The following HIKESHI variants were observed in gnomAD, a reference collection of about 807,000 sequenced individuals.
HIKESHI encodes heat shock protein nuclear import factor hikeshi.
Under a neutral mutation model 25.7 loss-of-function variants are expected in HIKESHI, and 13 were observed. That is an observed-to-expected ratio of 0.51 (90% CI 0.33 to 0.80). The LOEUF (loss-of-function observed/expected upper bound fraction) is 0.80, where lower values mean the gene tolerates loss of function less well. HIKESHI is among the 30% of genes least tolerant of loss of function. The pLI is 0.02. For missense variants in HIKESHI, 174 were observed against 229.5 expected (o/e 0.76, Z 1.56); for synonymous variants, 76 against 78.7 (o/e 0.97, Z 0.18).
chr11:86,332,887 C>T (rs1451045574), intron 2 of HIKESHI, among the ~76,000 whole-genome samples: 2 of 152,256 alleles, frequency 1.3e-5, no homozygotes, highest in African/African-American at 2.4e-5. Flanking sequence ...CATTAACCTA[C>T]AATTTTCATG....
chr11:86,341,350 C>T (rs1947723621), intron 3 of HIKESHI, among the ~76,000 whole-genome samples: 1 of 91,966 alleles, frequency 1.1e-5, no homozygotes, highest in Non-Finnish European at 2.2e-5. Flanking sequence ...CATTTTTCCT[C>T]ATTTTTTTCC....
rs746326293 is a variant in HIKESHI, at chr11:86,302,469, G to T, written c.21G>T (p.Ala7=). 30 of 1,557,998 alleles carry T rather than the reference G, an allele frequency of 1.9e-5. No individual in the cohort carries two copies. The highest frequency in any genetic ancestry group is 2.3e-5 in the Non-Finnish European group (27 of 1,150,844). ...TCGCCATGTTTGGCTGCTTGGTGGCGGGGAGGCTGGTGAGGATGGGACCGG... is the reference window on the plus strand; with the variant it reads ...TCGCCATGTTTGGCTGCTTGGTGGCTGGGAGGCTGGTGAGGATGGGACCGG... MFGCLV[A]GRLVQTAAQQ... Residue 7 remains alanine, a synonymous_variant, in exon 1 of 5, where the codon GCG becomes GCT. Transcript: ENST00000278483.
chr11:86,307,417 T>C (rs1385545045), intron 2 of HIKESHI, among the ~76,000 whole-genome samples: 1 of 134,884 alleles, frequency 7.4e-6, no homozygotes, highest in Non-Finnish European at 1.5e-5. Flanking sequence ...TATATCAATA[T>C]ATTATGTGTA....
intron 2 of HIKESHI, among the ~76,000 whole-genome samples, chr11:86,319,394 C>T (rs116643607): frequency 0.033 from 4,888 of 150,046 alleles, 254 homozygotes; most frequent in African/African-American, 0.11. Context: ...CACATCACCA[C>T]ACCTGGCTAA....
intron 2 of HIKESHI, among the ~76,000 whole-genome samples, chr11:86,310,375 A>G (rs1388867246): frequency 6.6e-6 from 1 of 151,956 alleles, no homozygotes; most frequent in African/African-American, 2.4e-5. Context: ...TTTGTCTGTT[A>G]TTGGTGTGTA....
rs560680000 is a variant in HIKESHI, at chr11:86,340,771, A to G, written c.420+3241A>G. Among the ~76,000 whole-genome samples, 53 of 152,094 alleles carry G rather than the reference A, an allele frequency of 3.5e-4. No individual in the cohort carries two copies. In the South Asian group the frequency reaches 9.8e-3, roughly 28 times the overall value. ...GCAATTCTCCTGTCTCAGCCTCCCAAGTAGCTGGGATTACAGGCGCGTGCC... is the reference window on the plus strand; with the variant it reads ...GCAATTCTCCTGTCTCAGCCTCCCAGGTAGCTGGGATTACAGGCGCGTGCC... On this transcript the variant is annotated intron_variant, in intron 3 of 4. Coordinates refer to ENST00000278483, the MANE Select transcript of HIKESHI (RefSeq NM_016401.4).
At position 86,302,403 on chromosome 11, in the gene HIKESHI, G is replaced by C. The variant is rs1946518768; in HGVS notation, c.-46G>C. On this transcript the variant is annotated 5_prime_UTR_variant, in exon 1 of 5. Coordinates refer to ENST00000278483, the MANE Select transcript of HIKESHI (RefSeq NM_016401.4). Reference sequence around the variant, plus strand: ...TAGGGCAGTAGCCCCAGGACTCCTAGTCGCCGGCTTCAGGTCACTGCCGGC... The same window carrying C: ...TAGGGCAGTAGCCCCAGGACTCCTACTCGCCGGCTTCAGGTCACTGCCGGC... 1.3e-6 allele frequency: 2 copies of C among 1,550,864 alleles called. No individual in the cohort carries two copies. The highest frequency in any genetic ancestry group is 1.7e-6 in the Non-Finnish European group (2 of 1,146,840).
intron 2 of HIKESHI, among the ~76,000 whole-genome samples, chr11:86,317,088 G>C (rs751626905): frequency 6.6e-6 from 1 of 151,872 alleles, no homozygotes; most frequent in African/African-American, 2.4e-5. Flanking sequence ...CACCACGCCC[G>C]GCTGTGAATC....
intron 2 of HIKESHI, among the ~76,000 whole-genome samples, chr11:86,327,615 A>C (rs1288152239): frequency 3.9e-5 from 6 of 151,966 alleles, no homozygotes. Flanking sequence ...CGCCCAGCCA[A>C]GCCTCTGGTT....
chr11:86,324,903 G>T (rs762262882), intron 2 of HIKESHI, among the ~76,000 whole-genome samples: 1 of 152,168 alleles, frequency 6.6e-6, no homozygotes. Flanking sequence ...TTGGGGCCAG[G>T]TATGGTGGCT....
chr11:86,337,552 TCTTTA>T, intron 3 of HIKESHI, 22 bp downstream of exon 3: 1 of 1,604,912 alleles, frequency 6.2e-7, no homozygotes, highest in Non-Finnish European at 8.5e-7. Context: ...TACATTTCAT[TCTTTA>T]CCTCCCCCTC....
chr11:86,311,591 C>T (rs1005384365), intron 2 of HIKESHI, among the ~76,000 whole-genome samples: 2 of 152,036 alleles, frequency 1.3e-5, no homozygotes, highest in Non-Finnish European at 2.9e-5. Flanking sequence ...CTATTTCTTG[C>T]CTTCTGCTAG....
Position 86,302,420 on chromosome 11 carries a change from A to G in HIKESHI, c.-29A>G. The G allele has an allele frequency of 6.4e-7, 1 of 1,551,748 alleles. No individual in the cohort carries two copies. On this transcript the variant is annotated 5_prime_UTR_variant, in exon 1 of 5. Coordinates refer to ENST00000278483, the MANE Select transcript of HIKESHI (RefSeq NM_016401.4). ...GACTCCTAGTCGCCGGCTTCAGGTCACTGCCGGCTGAACGGAGCTGCCGTC... is the reference window on the plus strand; with the variant it reads ...GACTCCTAGTCGCCGGCTTCAGGTCGCTGCCGGCTGAACGGAGCTGCCGTC...
At chr11:86,334,419 GAGAA>G (rs1947494359) in intron 2 of HIKESHI, among the ~76,000 whole-genome samples, 1 of 151,982 alleles carries the variant, frequency 6.6e-6, no homozygotes, top group Non-Finnish European at 1.5e-5. Context: ...GGGATGCTTT[GAGAA>G]AGAGTCTTAA....
chr11:86,313,595 G>T (rs1230932402), intron 2 of HIKESHI, among the ~76,000 whole-genome samples: 1 of 152,132 alleles, frequency 6.6e-6, no homozygotes, highest in Non-Finnish European at 1.5e-5. Context: ...GTACCATGTA[G>T]GTAACATGTT....
chr11:86,314,440 C>G (rs1003421880), intron 2 of HIKESHI, among the ~76,000 whole-genome samples: 2 of 151,984 alleles, frequency 1.3e-5, no homozygotes, highest in Non-Finnish European at 2.9e-5. Context: ...CATGGTGGAA[C>G]CCCCTGTATA....
intron 2 of HIKESHI, among the ~76,000 whole-genome samples, chr11:86,325,714 A>G (rs1565733625): frequency 6.6e-6 from 1 of 151,844 alleles, no homozygotes; most frequent in Non-Finnish European, 1.5e-5. Flanking sequence ...TCTACTAAAA[A>G]TACAAAAATT....
intron 3 of HIKESHI, among the ~76,000 whole-genome samples, chr11:86,341,413 G>A (rs545670871): frequency 1.3e-5 from 2 of 150,010 alleles, no homozygotes; most frequent in Non-Finnish European, 3.0e-5. Flanking sequence ...ACTCTACTAA[G>A]TGTAAATTCT....
chr11:86,308,868 C>T (rs1946756909), intron 2 of HIKESHI, among the ~76,000 whole-genome samples: 1 of 151,974 alleles, frequency 6.6e-6, no homozygotes, highest in African/African-American at 2.4e-5. Flanking sequence ...TGGTTTCCAG[C>T]TTCATCCATG....
Sources: allele counts gnomAD v4.1 joint callset (sites outside exome capture counted in the v4.1 genomes callset), GRCh38; gene constraint gnomAD v4.1.1; transcripts MANE v1.5; gene names NCBI Gene and HGNC (gene_info 2026-07-23, HGNC 2026-07-21).